Variants in CSMD1 observed in about 807,000 individuals in gnomAD.
The protein encoded by CSMD1 is CUB and Sushi multiple domains 1.
In CSMD1, 213 loss-of-function variants were observed where a neutral mutation model predicts 417.5. That is an observed-to-expected ratio of 0.51 (90% CI 0.46 to 0.57). The LOEUF is 0.57. CSMD1 is among the 20% of genes least tolerant of loss of function. CSMD1 has a pLI of 0.00. For synonymous variants in CSMD1, 2,862 were observed against 1,736.8 expected, an observed-to-expected ratio of 1.65 and a Z score of -16.11; for missense variants, 6,923 against 4,529.7, an observed-to-expected ratio of 1.53 and a Z score of -15.17.
At chr8:3,846,544 T>G (rs1185947361) in intron 5 of CSMD1, among the ~76,000 whole-genome samples, 1 of 152,364 alleles carries the variant, frequency 6.6e-6, no homozygotes, top group East Asian at 1.9e-4. Flanking sequence ...TTAATTGGGC[T>G]AGAGCATATG....
At chr8:4,436,844 G>A (rs1276328462) in intron 2 of CSMD1, among the ~76,000 whole-genome samples, 1 of 152,128 alleles carries the variant, frequency 6.6e-6, no homozygotes, top group Admixed American at 6.5e-5. Context: ...GCAAATGAGT[G>A]AATCTCATCC....
intron 59 of CSMD1, among the ~76,000 whole-genome samples, chr8:2,963,740 G>A (rs1161055657): frequency 1.3e-5 from 2 of 152,174 alleles, no homozygotes; most frequent in African/African-American, 4.8e-5. Flanking sequence ...TTCGAATGAG[G>A]ATTTGGTCAG....
intron 26 of CSMD1, among the ~76,000 whole-genome samples, chr8:3,249,123 G>C (rs899920809): frequency 2.6e-5 from 4 of 152,080 alleles, no homozygotes; most frequent in African/African-American, 7.2e-5. Context: ...CCCGAGAATT[G>C]GCCCCTAGCA....
intron 3 of CSMD1, among the ~76,000 whole-genome samples, chr8:4,272,396 C>G (rs888912000): frequency 1.5e-4 from 23 of 152,100 alleles, no homozygotes; most frequent in Admixed American, 3.9e-4. Context: ...TTTCCAAGAC[C>G]TATAGACAAT....
At chr8:4,165,229 G>A (rs903292185) in intron 3 of CSMD1, among the ~76,000 whole-genome samples, 1 of 152,186 alleles carries the variant, frequency 6.6e-6, no homozygotes, top group Non-Finnish European at 1.5e-5. Flanking sequence ...AGGTGTCACT[G>A]TTCTTTTCAA....
intron 3 of CSMD1, among the ~76,000 whole-genome samples, chr8:4,163,117 G>C (rs908671296): frequency 1.3e-5 from 2 of 152,178 alleles, no homozygotes; most frequent in Non-Finnish European, 2.9e-5. Context: ...TACACCACAA[G>C]TTTATCATTT....
intron 1 of CSMD1, among the ~76,000 whole-genome samples, chr8:4,992,014 C>G (rs1003274202): frequency 6.6e-6 from 1 of 152,202 alleles, no homozygotes; most frequent in Non-Finnish European, 1.5e-5. Context: ...CAGCACCTCT[C>G]CAGCTCCATG....
intron 5 of CSMD1, chr8:3,950,027 G>T (rs901093831): frequency 2.2e-6 from 1 of 455,774 alleles, no homozygotes. Flanking sequence ...GGCATTTCCT[G>T]TGCGTATTTG....
chr8:4,430,682 T>C (rs1297564565), intron 2 of CSMD1, among the ~76,000 whole-genome samples: 2 of 152,142 alleles, frequency 1.3e-5, no homozygotes, highest in Non-Finnish European at 2.9e-5. Context: ...TTACAGTGTC[T>C]GTAATAGACT....
At chr8:4,092,879 T>C (rs1800793570) in intron 3 of CSMD1, among the ~76,000 whole-genome samples, 1 of 152,208 alleles carries the variant, frequency 6.6e-6, no homozygotes. Flanking sequence ...TTTAAATAAT[T>C]ACTTCTGGAC....
chr8:4,956,721 A>C (rs1220268566), intron 1 of CSMD1, among the ~76,000 whole-genome samples: 1 of 152,172 alleles, frequency 6.6e-6, no homozygotes, highest in Non-Finnish European at 1.5e-5. Context: ...GTTCCAACAA[A>C]GACTATGTCA....
chr8:3,468,839 A>G lies in CSMD1; in HGVS notation c.1449-15T>C. 1 of 1,551,366 alleles carries G rather than the reference A, an allele frequency of 6.4e-7. No individual in the cohort carries two copies. The highest frequency in any genetic ancestry group is 8.8e-7 in the Non-Finnish European group (1 of 1,141,478). On this transcript the variant is annotated splice_polypyrimidine_tract_variant and intron_variant, in intron 11 of 69. Transcript: ENST00000635120. ...ATCCCGTGAGCCTGCAAGAAAGAGA[A>G]ATGTCAAAGCTTTTAGGTAAGGCAA...
chr8:4,060,769 G>C (rs1284656029), intron 3 of CSMD1, among the ~76,000 whole-genome samples: 1 of 152,026 alleles, frequency 6.6e-6, no homozygotes, highest in Non-Finnish European at 1.5e-5. Context: ...TACCTATGTG[G>C]GACCACACAG....
At chr8:3,632,544 G>C (rs1306766558) in intron 7 of CSMD1, among the ~76,000 whole-genome samples, 4 of 152,140 alleles carry the variant, frequency 2.6e-5, no homozygotes, top group Non-Finnish European at 4.4e-5. Flanking sequence ...GAACAAGTGG[G>C]ATGTCTGGCT....
intron 32 of CSMD1, 76 bp from the exon 33 acceptor site, chr8:3,199,885 T>C: frequency 1.2e-6 from 1 of 829,648 alleles, no homozygotes; most frequent in Non-Finnish European, 1.9e-6. Context: ...AAAATGGTGA[T>C]AAAGTTGAAA....
intron 50 of CSMD1, among the ~76,000 whole-genome samples, chr8:3,042,925 A>G (rs1236769000): frequency 6.6e-6 from 1 of 150,960 alleles, no homozygotes; most frequent in African/African-American, 2.5e-5. Context: ...CTATGGTGAT[A>G]TATATATAGT....
At chr8:4,454,221 C>G (rs1417454598) in intron 2 of CSMD1, among the ~76,000 whole-genome samples, 3 of 152,088 alleles carry the variant, frequency 2.0e-5, no homozygotes, top group African/African-American at 7.2e-5. Flanking sequence ...CTTATCCACC[C>G]CCAACACCGC....
In CSMD1 at chr8:4,396,907, A is replaced by G. The variant is rs139348880; in HGVS notation, c.415+23046T>C. Among the ~76,000 whole-genome samples the G allele has an allele frequency of 5.0e-3, 766 of 152,140 alleles. 4 individuals are homozygous for G. The highest frequency in any genetic ancestry group is 8.6e-3 in the Non-Finnish European group (586 of 67,974). On this transcript the variant is annotated intron_variant, in intron 3 of 69. Coordinates refer to ENST00000635120, the MANE Select transcript of CSMD1 (RefSeq NM_033225.6). ...AAGGGTGGGAGGCAGATGGGAAACA[A>G]AAGACTACACCTTGGGTACAAGGTA...
intron 3 of CSMD1, among the ~76,000 whole-genome samples, chr8:4,299,720 TC>T (rs757794097): frequency 6.6e-6 from 1 of 152,086 alleles, no homozygotes; most frequent in Non-Finnish European, 1.5e-5. Context: ...AACCCCTGAC[TC>T]CCCATTTCAA....
Sources: allele counts gnomAD v4.1 joint callset (sites outside exome capture counted in the v4.1 genomes callset), GRCh38; gene constraint gnomAD v4.1.1; transcripts MANE v1.5; gene names NCBI Gene and HGNC (gene_info 2026-07-23, HGNC 2026-07-21).